NT5DC4: variants seen among roughly 807,000 people sequenced by gnomAD.
NT5DC4 encodes 5'-nucleotidase domain-containing protein 4.
Under a neutral mutation model 26.6 loss-of-function variants are expected in NT5DC4, and 44 were observed. The observed-to-expected ratio is 1.65, with a 90% CI of 1.30 to 2.13. The LOEUF (loss-of-function observed/expected upper bound fraction) is 2.13, where lower values mean the gene tolerates loss of function less well. Ranked by LOEUF, NT5DC4 falls within the 30% of genes most tolerant of loss-of-function variation. The pLI is 0.00. For missense variants in NT5DC4, 399 were observed against 228.1 expected (o/e 1.75, Z -4.83); for synonymous variants, 157 against 86.7 (o/e 1.81, Z -4.51).
At chr2:112,733,340 T>G (rs1362883204) in intron 16 of NT5DC4, among the ~76,000 whole-genome samples, 1 of 150,966 alleles carries the variant, frequency 6.6e-6, no homozygotes, top group Non-Finnish European at 1.5e-5. Flanking sequence ...CTTCCAAGAC[T>G]GTGTGCAGAC....
At chr2:112,720,037 C>A (rs1239224787), upstream of NT5DC4, among the ~76,000 whole-genome samples, 1 of 130,268 alleles carries the variant, frequency 7.7e-6, no homozygotes, top group Non-Finnish European at 1.6e-5. Flanking sequence ...TTCCTTCCTT[C>A]TTTCTTCCTT....
chr2:112,735,759 G>A (rs1679069550), intron 16 of NT5DC4, among the ~76,000 whole-genome samples: 3 of 152,124 alleles, frequency 2.0e-5, no homozygotes, highest in Admixed American at 2.0e-4. Flanking sequence ...TGCAGCTGCA[G>A]TACCATCCAC....
upstream of NT5DC4, among the ~76,000 whole-genome samples, chr2:112,719,942 C>CTTT (rs1477492819): frequency 1.0e-5 from 1 of 96,426 alleles, no homozygotes; most frequent in African/African-American, 4.7e-5. Context: ...TTCTTTCTTT[C>CTTT]TTTCTTTCTT....
chr2:112,735,781 C>A (rs1318271259), intron 16 of NT5DC4, among the ~76,000 whole-genome samples: 5 of 152,166 alleles, frequency 3.3e-5, no homozygotes, highest in Non-Finnish European at 7.3e-5. Context: ...ATCATTTCCA[C>A]AACCTTTTGT....
chr2:112,740,728 T>C (rs901725232), downstream of NT5DC4: 6 of 1,039,762 alleles, frequency 5.8e-6, no homozygotes, highest in Admixed American at 1.2e-4. Flanking sequence ...GCAGGTCAGG[T>C]CTCAGTTACT....
intron 8 of NT5DC4, 97 bp downstream of exon 8, chr2:112,723,565 G>A (rs1409672442): frequency 1.4e-6 from 1 of 694,772 alleles, no homozygotes; most frequent in African/African-American, 1.8e-5. Context: ...TTTAGGCTGA[G>A]CTCTGCTCCC....
downstream of NT5DC4, among the ~76,000 whole-genome samples, chr2:112,741,475 A>C (rs1004455344): frequency 6.6e-6 from 1 of 152,234 alleles, no homozygotes; most frequent in Non-Finnish European, 1.5e-5. Context: ...TTGCATTAAT[A>C]GTTTTCATGG....
intron 10 of NT5DC4, 135 bp from the exon 11 acceptor site, chr2:112,724,646 C>G (rs1023154822): frequency 3.2e-6 from 2 of 624,714 alleles, no homozygotes; most frequent in African/African-American, 3.6e-5. Flanking sequence ...GCAGCGAGAC[C>G]GGGTTCCCAG....
At chr2:112,730,559 C>T (rs1678366640) in intron 16 of NT5DC4, among the ~76,000 whole-genome samples, 1 of 152,160 alleles carries the variant, frequency 6.6e-6, no homozygotes, top group South Asian at 2.1e-4. Context: ...CTTTGTGAGG[C>T]TTGACCCGCG....
intron 10 of NT5DC4, 34 bp from the exon 11 acceptor site, chr2:112,724,747 C>CTG: frequency 1.4e-6 from 1 of 715,488 alleles, no homozygotes; most frequent in Non-Finnish European, 2.6e-6. Context: ...ATTTACCAGG[C>CTG]TGTGTGTGTG....
intron 16 of NT5DC4, 144 bp downstream of exon 16, chr2:112,729,848 C>A: frequency 3.2e-6 from 2 of 616,118 alleles, no homozygotes; most frequent in South Asian, 1.9e-5. Context: ...CAAGCATAGT[C>A]ATTCCTCATT....
chr2:112,742,850 A>C, downstream of NT5DC4: 1 of 862,482 alleles, frequency 1.2e-6, no homozygotes, highest in African/African-American at 1.7e-5. Context: ...CTTCAAATAC[A>C]TGTTTTATAA....
Position 112,725,437 on chromosome 2 carries a change from C to T in NT5DC4, c.1038C>T (p.Tyr346=), listed in dbSNP as rs1249157717. The change falls in exon 13 of 17, where the codon TAC becomes TAT. Residue 346 remains tyrosine, a synonymous_variant. Transcript: ENST00000688554. ...GGGTTCGGGGGATGGACATCCTGTA[C>T]ATTGGGGACCACATTTTTGGGGACA... is the stretch of plus-strand genomic sequence containing the variant. ...LLGVRGMDIL[Y]IGDHIFGDIL... The T allele has an allele frequency of 4.2e-6, 3 of 717,078 alleles. No homozygotes were observed. Among genetic ancestry groups the T allele is most frequent in the East Asian group, 2.7e-5 (1 of 37,288 alleles). The allele number at this position is 717,078 out of a possible 1,614,324, so 44.4% of individuals were successfully genotyped here.
intron 16 of NT5DC4, among the ~76,000 whole-genome samples, chr2:112,734,905 G>A (rs1462653015): frequency 6.6e-6 from 1 of 152,086 alleles, no homozygotes; most frequent in Non-Finnish European, 1.5e-5. Context: ...GGCCAGGCTG[G>A]TCTTGAACTC....
At chr2:112,735,170 A>G (rs1678967628) in intron 16 of NT5DC4, among the ~76,000 whole-genome samples, 1 of 149,148 alleles carries the variant, frequency 6.7e-6, no homozygotes, top group Non-Finnish European at 1.5e-5. Flanking sequence ...CAGCCTCCTG[A>G]GTAGCTGGGA....
chr2:112,741,430 A>G (rs951686766), downstream of NT5DC4, among the ~76,000 whole-genome samples: 4 of 152,146 alleles, frequency 2.6e-5, no homozygotes, highest in African/African-American at 9.7e-5. Flanking sequence ...GGATGACCAC[A>G]TGGTTACTGC....
At chr2:112,728,549 G>A (rs6712929) in intron 15 of NT5DC4, among the ~76,000 whole-genome samples, 17 of 152,262 alleles carry the variant, frequency 1.1e-4, no homozygotes, top group East Asian at 9.6e-4. Context: ...TTGATAAGAC[G>A]TAGAGCTTGC....
downstream of NT5DC4, chr2:112,740,733 G>A (rs1679877829): frequency 1.8e-6 from 2 of 1,128,330 alleles, no homozygotes; most frequent in African/African-American, 1.5e-5. Flanking sequence ...TCAGGTCTCA[G>A]TTACTCTAGA....
rs1677548919 is a variant in NT5DC4, at chr2:112,725,223, G to A, written c.965G>A (p.Cys322Tyr). The change falls in exon 12 of 17, where the codon TGT (cysteine) becomes TAT (tyrosine). Residue 322 changes from cysteine to tyrosine, a missense_variant. Physicochemically the swap from Cys to Tyr is radical, Grantham distance 194. Transcript: ENST00000688554. Reference sequence around the variant, plus strand: ...ACCTACACAGGGCCCCACCAGCACTGTGCTGTCTACTCTGGAGGTACCAGC... The same window carrying A: ...ACCTACACAGGGCCCCACCAGCACTATGCTGTCTACTCTGGAGGTACCAGC... ...VGTYTGPHQH[C>Y]AVYSGGSSDM... 1.4e-6 allele frequency: 1 copy of A among 714,398 alleles called. No individual in the cohort carries two copies. Among genetic ancestry groups the A allele is most frequent in the Admixed American group, 2.0e-5 (1 of 49,922 alleles). 44.3% of individuals were successfully genotyped at this position (714,398 alleles called of 1,614,324 possible). A position where few individuals can be genotyped will look rare whatever the true frequency, so the allele number is the denominator to read the frequency against.
Sources: allele counts gnomAD v4.1 joint callset (sites outside exome capture counted in the v4.1 genomes callset), GRCh38; gene constraint gnomAD v4.1.1; transcripts MANE v1.5; gene names NCBI Gene and HGNC (gene_info 2026-07-23, HGNC 2026-07-21).